PIAS1: variants seen among roughly 807,000 people sequenced by gnomAD.
PIAS1 encodes protein inhibitor of activated STAT 1.
A neutral mutation model predicts 71.3 loss-of-function variants in PIAS1; 6 were observed. That is an observed-to-expected ratio of 0.08 (90% confidence interval 0.05 to 0.17). The LOEUF (loss-of-function observed/expected upper bound fraction) is 0.17. Among genes scored for constraint, PIAS1 ranks in the 10% least tolerant of loss-of-function variants. The pLI, the probability that PIAS1 is intolerant of heterozygous loss-of-function variation, is 1.00. For synonymous variants in PIAS1, 303 were observed against 292.9 expected, an observed-to-expected ratio of 1.03 and a Z score of -0.35; for missense variants, 555 against 793.6, an observed-to-expected ratio of 0.70 and a Z score of 3.61.
In PIAS1 at chr15:68,054,323, C is replaced by T; in HGVS notation, c.-4C>T. Reference sequence around the variant, plus strand: ...TTCACTGCGCTTGCGCTGACAGACGCAAGATGGCGGACAGTGCGGAACTAA... The same window carrying T: ...TTCACTGCGCTTGCGCTGACAGACGTAAGATGGCGGACAGTGCGGAACTAA... On this transcript the variant is annotated 5_prime_UTR_variant, in exon 1 of 14. Transcript: ENST00000249636. The surrounding 1 kb of genome is among the most constrained non-coding windows in gnomAD (Gnocchi z 4.6). 1.3e-6 allele frequency: 2 copies of T among 1,571,618 alleles called. No homozygotes were observed. Among genetic ancestry groups the T allele is most frequent in the Non-Finnish European group, 1.7e-6 (2 of 1,159,274 alleles).
chr15:68,096,955 G>C (rs1214148987), intron 2 of PIAS1, among the ~76,000 whole-genome samples: 1 of 152,154 alleles, frequency 6.6e-6, no homozygotes, highest in Non-Finnish European at 1.5e-5. Context: ...ACTATGTTGA[G>C]TAGAAGTGGC....
intron 1 of PIAS1, among the ~76,000 whole-genome samples, chr15:68,074,066 G>A (rs1489990766): frequency 6.6e-6 from 1 of 152,294 alleles, no homozygotes; most frequent in African/African-American, 2.4e-5. Flanking sequence ...TGTTAGATTC[G>A]AATATGTTGA....
intron 6 of PIAS1, among the ~76,000 whole-genome samples, chr15:68,152,899 C>CTTTTT (rs71287005): frequency 8.2e-6 from 1 of 121,962 alleles, no homozygotes; most frequent in Non-Finnish European, 1.8e-5. Flanking sequence ...TTTGGCTTTT[C>CTTTTT]TTTTTTTTTT....
In PIAS1 at chr15:68,094,204, C is replaced by G. The variant is rs531400048; in HGVS notation, c.469+7454C>G. ...TTCTTACTTGACATGGGATAGTATA[C>G]CAATAATTCTGGAGAAGACCGGCAA... On this transcript the variant is annotated intron_variant, in intron 2 of 13. Coordinates refer to ENST00000249636, the MANE Select transcript of PIAS1 (RefSeq NM_016166.3). 2.6e-5 allele frequency among the ~76,000 whole-genome samples: 4 copies of G among 151,004 alleles called. No homozygotes were observed. The Admixed American group carries it at 2.6e-4, about 10-fold the overall frequency.
At chr15:68,062,128 A>T (rs1352980876) in intron 1 of PIAS1, among the ~76,000 whole-genome samples, 1 of 152,200 alleles carries the variant, frequency 6.6e-6, no homozygotes, top group African/African-American at 2.4e-5. Flanking sequence ...TGCTGCTTAG[A>T]TGAACTTGAA....
intron 1 of PIAS1, among the ~76,000 whole-genome samples, chr15:68,072,970 G>C (rs1411362482): frequency 6.6e-6 from 1 of 152,056 alleles, no homozygotes; most frequent in Non-Finnish European, 1.5e-5. Flanking sequence ...TAGGCACTGG[G>C]TACATTTATA....
Position 68,187,517 on chromosome 15 carries a change from T to C in PIAS1, c.1663-25T>C. The C allele has an allele frequency of 6.2e-7, 1 of 1,601,394 alleles. No individual in the cohort carries two copies. Among genetic ancestry groups the C allele is most frequent in the Non-Finnish European group, 8.5e-7 (1 of 1,169,734 alleles). On this transcript the variant is annotated intron_variant, in intron 13 of 13. Transcript: ENST00000249636. The surrounding 1 kb of genome is among the most constrained non-coding windows in gnomAD (Gnocchi z 5.3). Reference sequence around the variant, plus strand: ...AATTTGGAAGTATAATTAACATTTTTGTGTCTTTTGTTTCCCCTCCCTAGC... The same window carrying C: ...AATTTGGAAGTATAATTAACATTTTCGTGTCTTTTGTTTCCCCTCCCTAGC...
At position 68,173,204 on chromosome 15, in the gene PIAS1, G is replaced by C. The variant is rs2093002273; in HGVS notation, c.1009-528G>C. Among the ~76,000 whole-genome samples, 1 of 152,112 alleles carries C rather than the reference G, an allele frequency of 6.6e-6. No individual in the cohort carries two copies. Among genetic ancestry groups the C allele is most frequent in the South Asian group, 2.1e-4 (1 of 4,832 alleles). ...ATCAAGGACTGCTTTAAGAATTTGA[G>C]AAAAGCCGGGCACAGTGGTGTGCGC... is the stretch of plus-strand genomic sequence containing the variant. On this transcript the variant is annotated intron_variant, in intron 8 of 13. Transcript: ENST00000249636. The surrounding 1 kb of genome is among the most constrained non-coding windows in gnomAD (Gnocchi z 4.3).
At chr15:68,146,357 A>C (rs2092807997) in intron 5 of PIAS1, among the ~76,000 whole-genome samples, 1 of 152,184 alleles carries the variant, frequency 6.6e-6, no homozygotes, top group South Asian at 2.1e-4. Context: ...TTTCATCACT[A>C]ATAGTTTTCT....
chr15:68,154,892 T>TA (rs2092876286), intron 7 of PIAS1, among the ~76,000 whole-genome samples: 1 of 152,032 alleles, frequency 6.6e-6, no homozygotes. Flanking sequence ...TGAAGGAGAG[T>TA]ATAAGATAAC....
intron 12 of PIAS1, 124 bp from the exon 13 acceptor site, chr15:68,183,506 A>C: frequency 1.7e-6 from 1 of 588,146 alleles, no homozygotes; most frequent in South Asian, 1.8e-5. Context: ...TCAACTCTTC[A>C]TGTTTAAATA....
rs1184745307 is a variant in PIAS1, at chr15:68,086,931, A to G, written c.469+181A>G. Among the ~76,000 whole-genome samples, 1 of 152,230 alleles carries G rather than the reference A, an allele frequency of 6.6e-6. No individual in the cohort carries two copies. The highest frequency in any genetic ancestry group is 1.5e-5 in the Non-Finnish European group (1 of 68,042). ...ATATATAAAAGCTGTCTTTCAGGAAAAAAGGTAGTATAGTGATGGTTACTG... is the reference window on the plus strand; with the variant it reads ...ATATATAAAAGCTGTCTTTCAGGAAGAAAGGTAGTATAGTGATGGTTACTG... On this transcript the variant is annotated intron_variant, in intron 2 of 13. Transcript: ENST00000249636. The surrounding 1 kb of genome is among the most constrained non-coding windows in gnomAD (Gnocchi z 7.2).
intron 1 of PIAS1, among the ~76,000 whole-genome samples, chr15:68,071,726 A>T (rs919562215): frequency 6.6e-6 from 1 of 151,064 alleles, no homozygotes; most frequent in Admixed American, 6.6e-5. Context: ...GCACTTTGGG[A>T]GGCTGACGTG....
At position 68,191,326 on chromosome 15, in the gene PIAS1, T is replaced by C. The variant is rs2093118935; in HGVS notation, c.*3491T>C. On this transcript the variant is annotated 3_prime_UTR_variant, in exon 14 of 14. Coordinates refer to ENST00000249636, the MANE Select transcript of PIAS1 (RefSeq NM_016166.3). Reference sequence around the variant, plus strand: ...CAGTAAAATGGCTTTTAAAAATGTATAGTAGACAATGTCAGTTTGTATAAA... The same window carrying C: ...CAGTAAAATGGCTTTTAAAAATGTACAGTAGACAATGTCAGTTTGTATAAA... 1 of 152,668 alleles carries C rather than the reference T, an allele frequency of 6.6e-6. No homozygotes were observed. Among genetic ancestry groups the C allele is most frequent in the African/African-American group, 2.4e-5 (1 of 41,456 alleles). 9.5% of individuals were successfully genotyped at this position (152,668 alleles called of 1,614,324 possible). A position where few individuals can be genotyped will look rare whatever the true frequency, so the allele number is the denominator to read the frequency against.
chr15:68,117,587 TC>T (rs1382900745), intron 2 of PIAS1, among the ~76,000 whole-genome samples: 2 of 152,222 alleles, frequency 1.3e-5, no homozygotes, highest in African/African-American at 4.8e-5. Flanking sequence ...CCTTTCAGAT[TC>T]CACATGTGGA....
chr15:68,172,245 A>T (rs375697868), intron 8 of PIAS1, among the ~76,000 whole-genome samples: 2 of 152,206 alleles, frequency 1.3e-5, no homozygotes, highest in East Asian at 1.9e-4. Flanking sequence ...ACATGAACTC[A>T]TCCTTTTTTA....
intron 2 of PIAS1, among the ~76,000 whole-genome samples, chr15:68,127,541 A>G (rs2092659227): frequency 6.7e-6 from 1 of 149,676 alleles, no homozygotes; most frequent in African/African-American, 2.5e-5. Context: ...GTTACCACTC[A>G]TATATTTGCT....
chr15:68,151,675 A>AC (rs1174069430), intron 6 of PIAS1, among the ~76,000 whole-genome samples: 17 of 43,298 alleles, frequency 3.9e-4, no homozygotes, highest in African/African-American at 1.4e-3. Context: ...AAAAAAACAA[A>AC]AAAACAAAAC....
At chr15:68,182,806 G>A (rs901374418) in intron 12 of PIAS1, among the ~76,000 whole-genome samples, 2 of 152,190 alleles carry the variant, frequency 1.3e-5, no homozygotes, top group African/African-American at 2.4e-5. Flanking sequence ...AAGAACAACA[G>A]TGCTATGCAT....
Sources: allele counts gnomAD v4.1 joint callset (sites outside exome capture counted in the v4.1 genomes callset), GRCh38; gene constraint gnomAD v4.1.1; non-coding constraint Gnocchi (gnomAD v3.1); transcripts MANE v1.5; gene names NCBI Gene and HGNC (gene_info 2026-07-23, HGNC 2026-07-21).